NEK11: variants seen among roughly 807,000 people sequenced by gnomAD.
NEK11 encodes NIMA related kinase 11, also known as serine/threonine-protein kinase Nek11.
NEK11 carries 72 observed loss-of-function variants against 80.7 expected under a neutral mutation model. That is an observed-to-expected ratio of 0.89 (90% CI 0.74 to 1.08). The LOEUF is 1.08. NEK11 is among the 50% of genes least tolerant of loss of function. NEK11 has a pLI of 0.00. For synonymous variants in NEK11, 251 were observed against 260.7 expected, an observed-to-expected ratio of 0.96 and a Z score of 0.36; for missense variants, 764 against 763.6, an observed-to-expected ratio of 1.00 and a Z score of -0.01.
At chr3:131,050,927 G>C (rs2068288746) in intron 3 of NEK11, among the ~76,000 whole-genome samples, 2 of 152,320 alleles carry the variant, frequency 1.3e-5, no homozygotes, top group South Asian at 2.1e-4. Context: ...CTACTCGGAA[G>C]GCTGAGGTGG....
intron 3 of NEK11, among the ~76,000 whole-genome samples, chr3:131,037,616 T>A (rs2065846953): frequency 6.6e-6 from 1 of 152,234 alleles, no homozygotes; most frequent in African/African-American, 2.4e-5. Context: ...TGTGGGTTTT[T>A]GTAATATTAA....
intron 17 of NEK11, among the ~76,000 whole-genome samples, chr3:131,315,897 T>C (rs1050476351): frequency 6.6e-6 from 1 of 152,206 alleles, no homozygotes; most frequent in Non-Finnish European, 1.5e-5. Context: ...CATTCCTTCT[T>C]ATGGCTGCAT....
chr3:131,109,877 A>G lies in NEK11; in HGVS notation c.411A>G (p.Glu137=), dbSNP rs1447109325. 1.2e-6 allele frequency: 2 copies of G among 1,602,514 alleles called. No homozygotes were observed. Among genetic ancestry groups the G allele is most frequent in the African/African-American group, 2.7e-5 (2 of 74,044 alleles). Residue 137 remains glutamate, a synonymous_variant, in exon 5 of 18, where the codon GAA becomes GAG. Transcript: ENST00000383366. ...TCTTTCCAGAAAATCAAATAATAGA[A>G]TGGTTTATCCAGCTGCTGCTGGGAG... ...GKIFPENQII[E]WFIQLLLGVD... is the part of the protein sequence containing the mutation.
intron 14 of NEK11, 21 bp from the exon 15 acceptor site, chr3:131,228,503 TCTGA>T (rs1339223925): frequency 6.3e-7 from 1 of 1,583,826 alleles, no homozygotes; most frequent in South Asian, 1.2e-5. Flanking sequence ...ACTGGTAGTA[TCTGA>T]CTGTTTGTTC....
intron 4 of NEK11, among the ~76,000 whole-genome samples, chr3:131,090,640 G>A (rs2076588784): frequency 6.6e-6 from 1 of 152,112 alleles, no homozygotes; most frequent in Non-Finnish European, 1.5e-5. Context: ...TTTTCATATT[G>A]CTGAGTTAAA....
rs2079870685 is a variant in NEK11 at position 131,110,160 on chromosome 3, G to T, written c.455+239G>T. On this transcript the variant is annotated intron_variant, in intron 5 of 17. Transcript: ENST00000383366. ...TCAAGTTGGCCTTGAATATAAGACA[G>T]AAATTTGTATTAAACACATTTCATT... 2.0e-5 allele frequency among the ~76,000 whole-genome samples: 3 copies of T among 152,130 alleles called. No homozygotes were observed. The South Asian group carries it at 6.2e-4, about 31-fold the overall frequency.
intron 3 of NEK11, among the ~76,000 whole-genome samples, chr3:131,046,224 G>GTTC (rs1032504434): frequency 4.0e-4 from 61 of 152,176 alleles, no homozygotes; most frequent in African/African-American, 1.4e-3. Context: ...CTTTAAGGAG[G>GTTC]TTCTATTTTG....
At chr3:131,282,279 C>T (rs1397231566) in intron 17 of NEK11, among the ~76,000 whole-genome samples, 1 of 151,942 alleles carries the variant, frequency 6.6e-6, no homozygotes, top group East Asian at 1.9e-4. Flanking sequence ...ATTAGTCTGG[C>T]ATTATTAATG....
At chr3:131,113,799 C>G (rs913638408) in intron 5 of NEK11, among the ~76,000 whole-genome samples, 24 of 151,246 alleles carry the variant, frequency 1.6e-4, no homozygotes, top group African/African-American at 5.8e-4. Context: ...GTAATCCCAG[C>G]TACTTGGAGG....
chr3:131,211,793 T>C (rs2150531129), intron 14 of NEK11, among the ~76,000 whole-genome samples: 1 of 152,298 alleles, frequency 6.6e-6, no homozygotes, highest in East Asian at 1.9e-4. Context: ...GTCACGTAGT[T>C]CTTGTGCCAT....
At chr3:131,111,961 C>A (rs112652108) in intron 5 of NEK11, among the ~76,000 whole-genome samples, 2,166 of 152,024 alleles carry the variant, frequency 0.014, 48 homozygotes, top group African/African-American at 0.05. Context: ...ATATGGAGTA[C>A]CTGGAATTAT....
At chr3:131,148,378 G>A (rs955321658) in intron 7 of NEK11, among the ~76,000 whole-genome samples, 2 of 151,706 alleles carry the variant, frequency 1.3e-5, no homozygotes, top group African/African-American at 4.8e-5. Flanking sequence ...AACTTGTCCT[G>A]GTCTTACGAA....
At chr3:131,176,358 T>C (rs1322240446) in intron 14 of NEK11, among the ~76,000 whole-genome samples, 1 of 152,240 alleles carries the variant, frequency 6.6e-6, no homozygotes, top group Non-Finnish European at 1.5e-5. Flanking sequence ...TTTAGATGTC[T>C]TCAAGACTTG....
At chr3:131,279,029 A>T (rs989863495) in intron 17 of NEK11, among the ~76,000 whole-genome samples, 12 of 151,870 alleles carry the variant, frequency 7.9e-5, no homozygotes, top group African/African-American at 2.9e-4. Context: ...ATTATATAAA[A>T]TATATTAATA....
intron 14 of NEK11, among the ~76,000 whole-genome samples, chr3:131,212,074 T>TCTG (rs1342669611): frequency 1.3e-5 from 2 of 152,208 alleles, no homozygotes; most frequent in Non-Finnish European, 2.9e-5. Flanking sequence ...CAGACTTTCT[T>TCTG]CTCTCGTTTC....
intron 17 of NEK11, among the ~76,000 whole-genome samples, chr3:131,342,534 C>CT (rs1195476919): frequency 6.7e-6 from 1 of 148,186 alleles, no homozygotes; most frequent in Non-Finnish European, 1.5e-5. Flanking sequence ...CACTGTGTCA[C>CT]TAGTCTCCTG....
At chr3:131,255,079 G>GGAAA (rs59699596) in intron 16 of NEK11, among the ~76,000 whole-genome samples, 11,194 of 118,866 alleles carry the variant, frequency 0.094, 685 homozygotes, top group African/African-American at 0.16. Flanking sequence ...ACAGAAAGAA[G>GGAAA]GAAAGAAAGA....
At chr3:131,223,853 A>G (rs552753373) in intron 14 of NEK11, among the ~76,000 whole-genome samples, 1 of 152,326 alleles carries the variant, frequency 6.6e-6, no homozygotes, top group Non-Finnish European at 1.5e-5. Flanking sequence ...GAAACCACAG[A>G]GAGGCGAGAT....
chr3:131,169,784 C>G (rs1336938575), intron 13 of NEK11, among the ~76,000 whole-genome samples: 2 of 152,132 alleles, frequency 1.3e-5, no homozygotes, highest in African/African-American at 4.8e-5. Context: ...AAGAGAAACT[C>G]AGCAAATCAA....
Sources: gnomAD v4.1 joint callset for allele counts (sites outside exome capture counted in the v4.1 genomes callset) on GRCh38, gnomAD v4.1.1 for gene constraint, MANE v1.5 for transcripts, NCBI Gene and HGNC (gene_info 2026-07-23, HGNC 2026-07-21) for gene names.